Variants in MAML2 observed in about 807,000 individuals in gnomAD.
MAML2 encodes mastermind like transcriptional coactivator 2, also known as mastermind-like protein 2.
MAML2 carries 22 observed loss-of-function variants against 96.1 expected under a neutral mutation model. The ratio of observed to expected loss-of-function variants is 0.23; its 90% CI spans 0.16 to 0.33. MAML2 has a LOEUF of 0.33. Among genes scored for constraint, MAML2 ranks in the 10% least tolerant of loss-of-function variants. The probability of loss-of-function intolerance (pLI) is 1.00; values close to 1 mark genes in which losing one functional copy is unlikely to be tolerated. For synonymous variants in MAML2, 561 were observed against 521.3 expected, an observed-to-expected ratio of 1.08 and a Z score of -1.04; for missense variants, 1,367 against 1,392.4, an observed-to-expected ratio of 0.98 and a Z score of 0.29.
At chr11:96,067,431 T>C (rs112584215) in intron 2 of MAML2, among the ~76,000 whole-genome samples, 2 of 152,226 alleles carry the variant, frequency 1.3e-5, no homozygotes, top group African/African-American at 4.8e-5. Context: ...GCCAACAGCA[T>C]AGCCTTATAA....
intron 1 of MAML2, among the ~76,000 whole-genome samples, chr11:96,284,985 C>A (rs1863118648): frequency 6.6e-6 from 1 of 152,140 alleles, no homozygotes; most frequent in African/African-American, 2.4e-5. Flanking sequence ...TGGAGTTGTG[C>A]AGTGCATAGT....
At position 96,092,538 on chromosome 11, in the gene MAML2, G is replaced by A; in HGVS notation, c.1493C>T (p.Pro498Leu). 6.3e-7 allele frequency: 1 copy of A among 1,599,292 alleles called. No homozygotes were observed. The highest frequency in any genetic ancestry group is 8.5e-7 in the Non-Finnish European group (1 of 1,170,596). Residue 498 changes from proline (P) to leucine (L), a missense_variant, in exon 2 of 5, where the codon CCT becomes CTT. Coordinates refer to ENST00000524717, the MANE Select transcript of MAML2 (RefSeq NM_032427.4). This position sits in a 1 kb window ranked among gnomAD's most constrained non-coding sequence, Gnocchi z 4.1. Reference sequence around the variant, plus strand: ...CTGGCCGCTGCCGCCAGCTACCCCAGGCATGGGGGAGCTCTGTGGGCTGAA... The same window carrying A: ...CTGGCCGCTGCCGCCAGCTACCCCAAGCATGGGGGAGCTCTGTGGGCTGAA... ...QTFSPQSSPM[P>L]GVAGGSGQSK...
At chr11:96,141,056 A>T (rs1275377928) in intron 1 of MAML2, among the ~76,000 whole-genome samples, 1 of 152,172 alleles carries the variant, frequency 6.6e-6, no homozygotes, top group Non-Finnish European at 1.5e-5. Context: ...GCCTGTCTTT[A>T]CCATACTGTT....
At chr11:96,243,000 C>T (rs1306827560) in intron 1 of MAML2, among the ~76,000 whole-genome samples, 1 of 152,048 alleles carries the variant, frequency 6.6e-6, no homozygotes, top group Non-Finnish European at 1.5e-5. Flanking sequence ...CTGCTTCCTG[C>T]TGCCTCCTTT....
At chr11:96,314,305 C>G (rs1180932366) in intron 1 of MAML2, among the ~76,000 whole-genome samples, 3 of 152,224 alleles carry the variant, frequency 2.0e-5, no homozygotes, top group African/African-American at 7.2e-5. Flanking sequence ...AACCTGTGGC[C>G]TGCTAGGGCC....
At chr11:96,326,681 T>C (rs1182485768) in intron 1 of MAML2, among the ~76,000 whole-genome samples, 4 of 151,490 alleles carry the variant, frequency 2.6e-5, no homozygotes, top group Non-Finnish European at 2.9e-5. Context: ...GCCCCTGTAA[T>C]CCCAGCTACT....
intron 1 of MAML2, among the ~76,000 whole-genome samples, chr11:96,339,640 G>A (rs1223188817): frequency 1.3e-5 from 2 of 152,196 alleles, no homozygotes; most frequent in Non-Finnish European, 2.9e-5. Context: ...CACTTACCAG[G>A]AGACTGTGAA....
intron 1 of MAML2, among the ~76,000 whole-genome samples, chr11:96,323,286 G>A (rs1287003534): frequency 6.6e-6 from 1 of 152,160 alleles, no homozygotes; most frequent in Non-Finnish European, 1.5e-5. Context: ...GATCACGTAA[G>A]TTTAGGGTAT....
At chr11:96,228,258 T>C (rs896404985) in intron 1 of MAML2, among the ~76,000 whole-genome samples, 1 of 152,194 alleles carries the variant, frequency 6.6e-6, no homozygotes, top group Non-Finnish European at 1.5e-5. Flanking sequence ...TGGCATCAGC[T>C]AACTTCAATC....
chr11:96,254,201 C>A (rs993255103), intron 1 of MAML2, among the ~76,000 whole-genome samples: 1 of 152,126 alleles, frequency 6.6e-6, no homozygotes, highest in Non-Finnish European at 1.5e-5. Flanking sequence ...TTCTACCAGA[C>A]CTATGCAAAT....
At chr11:96,310,122 A>G (rs1338118814) in intron 1 of MAML2, among the ~76,000 whole-genome samples, 1 of 152,198 alleles carries the variant, frequency 6.6e-6, no homozygotes, top group Admixed American at 6.6e-5. Context: ...ATCAGTTTAT[A>G]CTGTGATTAC....
chr11:96,014,104 T>C (rs1478892469), intron 2 of MAML2, among the ~76,000 whole-genome samples: 2 of 152,130 alleles, frequency 1.3e-5, no homozygotes, highest in African/African-American at 2.4e-5. Context: ...AGAGGTTTGA[T>C]CAGCGGGGCA....
intron 1 of MAML2, among the ~76,000 whole-genome samples, chr11:96,098,477 T>C (rs1477513105): frequency 1.3e-5 from 2 of 152,234 alleles, no homozygotes; most frequent in Non-Finnish European, 2.9e-5. Flanking sequence ...GTTTAATTCA[T>C]GAGACTGTGC....
intron 1 of MAML2, among the ~76,000 whole-genome samples, chr11:96,206,186 C>T (rs533230078): frequency 3.3e-5 from 5 of 151,738 alleles, no homozygotes; most frequent in East Asian, 3.9e-4. Flanking sequence ...ATAAGTATAG[C>T]TTATATGTTA....
chr11:96,073,415 G>C (rs925298687), intron 2 of MAML2, among the ~76,000 whole-genome samples: 2 of 150,516 alleles, frequency 1.3e-5, no homozygotes, highest in Non-Finnish European at 2.9e-5. Flanking sequence ...CCACCTCTCG[G>C]ATTCACACCA....
At chr11:96,142,681 C>T (rs927919519) in intron 1 of MAML2, among the ~76,000 whole-genome samples, 1 of 152,158 alleles carries the variant, frequency 6.6e-6, no homozygotes, top group African/African-American at 2.4e-5. Context: ...TCCTTCCTTC[C>T]CATTGTCAGA....
At chr11:96,000,546 T>A (rs189699634) in intron 2 of MAML2, among the ~76,000 whole-genome samples, 32 of 152,358 alleles carry the variant, frequency 2.1e-4, no homozygotes, top group Admixed American at 2.1e-3. Flanking sequence ...CTTTGGTCTT[T>A]CACATTAAAT....
At chr11:96,226,247 C>G (rs990100902) in intron 1 of MAML2, among the ~76,000 whole-genome samples, 1 of 152,182 alleles carries the variant, frequency 6.6e-6, no homozygotes. Flanking sequence ...AGAAAAGACT[C>G]TGGGCCAATT....
intron 2 of MAML2, among the ~76,000 whole-genome samples, chr11:96,043,217 C>T (rs1213247655): frequency 6.6e-6 from 1 of 152,166 alleles, no homozygotes; most frequent in African/African-American, 2.4e-5. Context: ...AACAGGAACA[C>T]AAAAGATCAG....
Sources: gnomAD v4.1 joint callset for allele counts (sites outside exome capture counted in the v4.1 genomes callset) on GRCh38, gnomAD v4.1.1 for gene constraint, Gnocchi (gnomAD v3.1) non-coding constraint, MANE v1.5 for transcripts, NCBI Gene and HGNC (gene_info 2026-07-23, HGNC 2026-07-21) for gene names.